ZNF75D: variants seen among roughly 807,000 people sequenced by gnomAD.
ZNF75D encodes zinc finger protein 75D.
ZNF75D carries 33 observed loss-of-function variants against 33.3 expected under a neutral mutation model. The observed-to-expected ratio is 0.99, with a 90% CI of 0.75 to 1.32. The LOEUF (loss-of-function observed/expected upper bound fraction) is 1.32, where lower values mean the gene tolerates loss of function less well. Among genes scored for constraint, ZNF75D ranks in the 40% most tolerant of loss-of-function variants. The pLI is 0.00. For missense variants in ZNF75D, 338 were observed against 367.5 expected (o/e 0.92, Z 0.66); for synonymous variants, 113 against 130.6 (o/e 0.87, Z 0.92).
In ZNF75D at chrX:135,326,672, T is replaced by C. The variant is rs782817623; in HGVS notation, c.-391+15096A>G. 5.4e-5 allele frequency among the ~76,000 whole-genome samples: 6 copies of C among 111,931 alleles called. No individual in the cohort carries two copies. In the Admixed American group the frequency reaches 5.6e-4, roughly 11 times the overall value. Reference sequence around the variant, plus strand: ...TTGGGTCCACACTGCTTTTATGAGCTGTAACACTCACCGCGAAGATCTGCA... The same window carrying C: ...TTGGGTCCACACTGCTTTTATGAGCCGTAACACTCACCGCGAAGATCTGCA... On this transcript the variant is annotated intron_variant, in intron 1 of 6. Coordinates refer to ENST00000370766, the MANE Select transcript of ZNF75D (RefSeq NM_007131.5).
chrX:135,288,050 T>A (rs190172779), intron 6 of ZNF75D, among the ~76,000 whole-genome samples: 4 of 110,005 alleles, frequency 3.6e-5, no homozygotes. Context: ...TGATATGAGA[T>A]AACAAAAAGA....
At chrX:135,337,078 G>A (rs1303750632) in intron 1 of ZNF75D, among the ~76,000 whole-genome samples, 1 of 111,780 alleles carries the variant, frequency 8.9e-6, no homozygotes, top group African/African-American at 3.3e-5. Flanking sequence ...TCTGCGTGTG[G>A]GGGCAGGTAA....
intron 1 of ZNF75D, among the ~76,000 whole-genome samples, chrX:135,324,017 ACACACACG>A (rs1385267595): frequency 3.6e-5 from 4 of 110,202 alleles, no homozygotes; most frequent in African/African-American, 1.0e-4. Flanking sequence ...ACACACACAC[ACACACACG>A]CACACCCAAA....
chrX:135,250,519 T>C (rs1426978853), intron 3 of ZNF75D, among the ~76,000 whole-genome samples: 1 of 107,272 alleles, frequency 9.3e-6, no homozygotes, highest in Admixed American at 9.8e-5. Context: ...CACTGACTTA[T>C]GTATTTAGAC....
At chrX:135,264,167 A>G (rs1393244001) in intron 1 of ZNF75D, among the ~76,000 whole-genome samples, 1 of 112,028 alleles carries the variant, frequency 8.9e-6, no homozygotes, top group Non-Finnish European at 1.9e-5. Flanking sequence ...ACTTACACTC[A>G]TAGCAGAAGG....
At chrX:135,309,737 C>T (rs1468193413) in intron 1 of ZNF75D, 4 of 292,160 alleles carry the variant, frequency 1.4e-5, no homozygotes, top group Non-Finnish European at 2.4e-5. Context: ...AATTTTGAGA[C>T]ATTAATTATA....
At chrX:135,261,854 T>A (rs1218041699) in intron 1 of ZNF75D, among the ~76,000 whole-genome samples, 7 of 111,742 alleles carry the variant, frequency 6.3e-5, no homozygotes, top group Admixed American at 3.8e-4. Flanking sequence ...GTTCGCTGGT[T>A]ATTTTGCCCG....
chrX:135,259,591 CTGTT>C (rs782373138), intron 1 of ZNF75D, among the ~76,000 whole-genome samples: 17 of 111,493 alleles, frequency 1.5e-4, no homozygotes, highest in Non-Finnish European at 3.0e-4. Context: ...ATTTGGCTCT[CTGTT>C]TGTCTTAATG....
At chrX:135,300,185 G>A (rs782436934) in intron 1 of ZNF75D, among the ~76,000 whole-genome samples, 78 of 111,688 alleles carry the variant, frequency 7.0e-4, no homozygotes, top group African/African-American at 2.5e-3. Flanking sequence ...TGTGGTATTC[G>A]GTGTTCAATC....
At chrX:135,281,300 T>A (rs2148464852), downstream of ZNF75D, among the ~76,000 whole-genome samples, 1 of 109,772 alleles carries the variant, frequency 9.1e-6, no homozygotes, top group Non-Finnish European at 1.9e-5. Flanking sequence ...TGTGTATGCT[T>A]CATGAAGTTC....
intron 1 of ZNF75D, among the ~76,000 whole-genome samples, chrX:135,268,958 A>C (rs782278288): frequency 8.9e-6 from 1 of 111,804 alleles, no homozygotes; most frequent in Non-Finnish European, 1.9e-5. Flanking sequence ...ACCTACAGTG[A>C]GCTCATTTTT....
intron 4 of ZNF75D, 110 bp downstream of exon 4, chrX:135,292,171 C>G: frequency 1.3e-6 from 1 of 767,583 alleles, no homozygotes; most frequent in Non-Finnish European, 2.0e-6. Flanking sequence ...ACCTGGGAGA[C>G]ATCATAGCTG....
chrX:135,304,917 C>T (rs915292747), intron 1 of ZNF75D, among the ~76,000 whole-genome samples: 1 of 112,682 alleles, frequency 8.9e-6, no homozygotes, highest in Non-Finnish European at 1.9e-5. Flanking sequence ...ATGGCAATTG[C>T]CATGACTCTC....
At chrX:135,324,023 A>ACG (rs1491136917) in intron 1 of ZNF75D, among the ~76,000 whole-genome samples, 1 of 105,225 alleles carries the variant, frequency 9.5e-6, no homozygotes, top group South Asian at 4.0e-4. Context: ...ACACACACAC[A>ACG]CGCACACCCA....
rs1447776875 is a variant in ZNF75D, at chrX:135,293,999, C to A, written c.142G>T (p.Ala48Ser). 3.3e-6 allele frequency: 4 copies of A among 1,210,536 alleles called. No individual in the cohort carries two copies. The East Asian group carries it at 8.9e-5, about 27-fold the overall frequency. ...TKIENLGPES[A>S]CRHFWSFRYH... ...CGGAAGCTCCAGAAGTGCCTGCAAG[C>A]GCTCTCAGGACCAAGATTCTCTATT... The change falls in exon 3 of 7, where the codon GCT becomes TCT. Residue 48 changes from alanine to serine, a missense_variant. This residue lies in a region of ZNF75D where 254 missense variants were observed against 267.7 expected (regional missense o/e 0.95). Transcript: ENST00000370766.
chrX:135,325,535 C>A (rs1251765592), intron 1 of ZNF75D, among the ~76,000 whole-genome samples: 1 of 112,075 alleles, frequency 8.9e-6, no homozygotes, highest in Non-Finnish European at 1.9e-5. Context: ...GCTTGGCGGG[C>A]CCCGCACTCG....
At chrX:135,272,568 G>A (rs1464020050) in intron 1 of ZNF75D, among the ~76,000 whole-genome samples, 8 of 110,102 alleles carry the variant, frequency 7.3e-5, no homozygotes, top group African/African-American at 1.7e-4. Context: ...TCTCAGTTGC[G>A]GGATGAAAAT....
rs2148481133 is a variant in ZNF75D at position 135,308,177 on chromosome X, G to A, written c.-390-12138C>T. Among the ~76,000 whole-genome samples the A allele has an allele frequency of 1.8e-5, 2 of 112,333 alleles. 1 individual carries two copies. The highest frequency in any genetic ancestry group is 7.4e-4 in the South Asian group (2 of 2,721). On this transcript the variant is annotated intron_variant, in intron 1 of 6. Transcript: ENST00000370766. ...TGTCAGTATTTGAATCTTGCAGACT[G>A]TTGGCATTACGTTCTGAGAGCAGTC... is the stretch of plus-strand genomic sequence containing the variant.
intron 1 of ZNF75D, among the ~76,000 whole-genome samples, chrX:135,259,577 C>T (rs1176751889): frequency 9.0e-6 from 1 of 111,462 alleles, no homozygotes; most frequent in African/African-American, 3.3e-5. Context: ...GGGGTTCATT[C>T]ATGATTTGGC....
Sources: allele counts gnomAD v4.1 joint callset (sites outside exome capture counted in the v4.1 genomes callset), GRCh38; gene constraint gnomAD v4.1.1; regional missense constraint gnomAD v4.1.1; transcripts MANE v1.5; gene names NCBI Gene and HGNC (gene_info 2026-07-23, HGNC 2026-07-21).